The following ANKS1B variants were observed in gnomAD, a reference collection of about 807,000 sequenced individuals.
ANKS1B encodes the protein ankyrin repeat and sterile alpha motif domain containing 1B.
A neutral mutation model predicts 148.3 loss-of-function variants in ANKS1B; 36 were observed. That is an observed-to-expected ratio of 0.24 (90% CI 0.19 to 0.32). The LOEUF (loss-of-function observed/expected upper bound fraction) is 0.32. Ranked by LOEUF, ANKS1B falls within the 10% of genes least tolerant of loss-of-function variation. The probability of loss-of-function intolerance (pLI) is 1.00; values close to 1 mark genes in which losing one functional copy is unlikely to be tolerated. For synonymous variants in ANKS1B, 542 were observed against 560.8 expected (o/e 0.97, Z 0.47); for missense variants, 1,157 against 1,542.6 (o/e 0.75, Z 4.19).
At chr12:98,999,828 G>A (rs142018920) in intron 17 of ANKS1B, among the ~76,000 whole-genome samples, 98 of 152,248 alleles carry the variant, frequency 6.4e-4, no homozygotes, top group African/African-American at 1.9e-3. Flanking sequence ...TATAACCAGG[G>A]GAAACACGCA....
At chr12:99,393,264 A>T (rs1394416659) in intron 12 of ANKS1B, among the ~76,000 whole-genome samples, 1 of 152,222 alleles carries the variant, frequency 6.6e-6, no homozygotes, top group Non-Finnish European at 1.5e-5. Flanking sequence ...GAAATATCTT[A>T]GCAGATGGGT....
chr12:98,767,838 C>T (rs1047768163), intron 25 of ANKS1B, among the ~76,000 whole-genome samples: 1 of 152,214 alleles, frequency 6.6e-6, no homozygotes, highest in African/African-American at 2.4e-5. Context: ...TTGGTTGTCT[C>T]TCTCTCTCAC....
At chr12:99,775,801 C>T (rs1601887047) in intron 6 of ANKS1B, 140 bp from the exon 7 acceptor site, 1 of 463,000 alleles carries the variant, frequency 2.2e-6, no homozygotes, top group South Asian at 6.3e-5. Flanking sequence ...AAAAGAACTT[C>T]AAAAAACCAA....
chr12:98,901,925 A>C (rs2099772672), intron 17 of ANKS1B, among the ~76,000 whole-genome samples: 1 of 152,160 alleles, frequency 6.6e-6, no homozygotes, highest in South Asian at 2.1e-4. Context: ...GACTCCCAGC[A>C]CTTACCAATT....
At position 98,901,127 on chromosome 12, in the gene ANKS1B, G is replaced by C. The variant is rs556285442; in HGVS notation, c.2779-68991C>G. ...GAACCTCTATTTTTGCTCGGCTCTT[G>C]TCCTCAAATAGGCATTAGGTAAATA... On this transcript the variant is annotated intron_variant, in intron 17 of 26. Coordinates refer to ENST00000683438, the MANE Select transcript of ANKS1B (RefSeq NM_001352186.2). Among the ~76,000 whole-genome samples, 66 of 152,234 alleles carry C rather than the reference G, an allele frequency of 4.3e-4. 1 individual carries two copies. The highest frequency in any genetic ancestry group is 1.5e-3 in the African/African-American group (64 of 41,544).
chr12:99,888,959 C>T (rs1046934094), intron 1 of ANKS1B, among the ~76,000 whole-genome samples: 1 of 114,802 alleles, frequency 8.7e-6, no homozygotes, highest in African/African-American at 3.2e-5. Context: ...AAATGGCTCA[C>T]CTTCGCCAAA....
At chr12:98,740,366 C>T (rs890617853), downstream of ANKS1B, among the ~76,000 whole-genome samples, 2 of 152,206 alleles carry the variant, frequency 1.3e-5, no homozygotes, top group Admixed American at 1.3e-4. Context: ...TAGCACAGCC[C>T]ATGATGCTGC....
chr12:99,577,495 AAAAG>A (rs2097530183), intron 9 of ANKS1B, among the ~76,000 whole-genome samples: 1 of 151,732 alleles, frequency 6.6e-6, no homozygotes, highest in South Asian at 2.1e-4. Flanking sequence ...GATTAATTAA[AAAAG>A]AGAGAGAAGA....
At chr12:99,024,366 A>C (rs2099947527) in intron 17 of ANKS1B, among the ~76,000 whole-genome samples, 1 of 152,180 alleles carries the variant, frequency 6.6e-6, no homozygotes, top group Non-Finnish European at 1.5e-5. Context: ...TTAATATATA[A>C]TGTGCTGTCA....
rs764911317 is a variant in ANKS1B, at chr12:99,806,611, C to T, written c.462G>A (p.Pro154=). 2.4e-5 allele frequency: 39 copies of T among 1,613,794 alleles called. No individual in the cohort carries two copies. Among genetic ancestry groups the T allele is most frequent in the African/African-American group, 5.3e-5 (4 of 74,908 alleles). The change falls in exon 4 of 27, where the codon CCG becomes CCA. Residue 154 remains proline, a synonymous_variant. Coordinates refer to ENST00000683438, the MANE Select transcript of ANKS1B (RefSeq NM_001352186.2). ...VAVLLEELTD[P]TIRNSKLETP... is the part of the protein sequence containing the mutation. Reference sequence around the variant, plus strand: ...TTTCCAGCTTGCTATTTCTAATTGTCGGGTCAGTGAGCTCTTCTAGGAGAA... The same window carrying T: ...TTTCCAGCTTGCTATTTCTAATTGTTGGGTCAGTGAGCTCTTCTAGGAGAA...
intron 12 of ANKS1B, among the ~76,000 whole-genome samples, chr12:99,249,468 C>T (rs1055729917): frequency 1.3e-5 from 2 of 152,160 alleles, no homozygotes; most frequent in Non-Finnish European, 2.9e-5. Context: ...AAGATAATTT[C>T]ATTGTTAGCT....
At chr12:99,705,859 C>T (rs998938951) in intron 8 of ANKS1B, among the ~76,000 whole-genome samples, 1 of 151,946 alleles carries the variant, frequency 6.6e-6, no homozygotes, top group Non-Finnish European at 1.5e-5. Flanking sequence ...ACCTGATACA[C>T]ATAAACATGT....
chr12:99,599,620 C>T (rs1207743455), intron 9 of ANKS1B, among the ~76,000 whole-genome samples: 1 of 151,708 alleles, frequency 6.6e-6, no homozygotes, highest in East Asian at 1.9e-4. Flanking sequence ...ATAAATTTGG[C>T]CATTATGGAT....
intron 9 of ANKS1B, among the ~76,000 whole-genome samples, chr12:99,591,430 C>T (rs932043800): frequency 1.3e-5 from 2 of 151,924 alleles, no homozygotes; most frequent in Non-Finnish European, 2.9e-5. Flanking sequence ...TATTTTCATA[C>T]ACTCTATATT....
At chr12:99,576,906 C>G (rs1271997300) in intron 9 of ANKS1B, among the ~76,000 whole-genome samples, 13 of 151,856 alleles carry the variant, frequency 8.6e-5, no homozygotes, top group Non-Finnish European at 1.9e-4. Context: ...AACTCTCACT[C>G]CCCTCACTAT....
intron 17 of ANKS1B, among the ~76,000 whole-genome samples, chr12:98,925,192 C>T (rs2099806495): frequency 6.6e-6 from 1 of 152,138 alleles, no homozygotes; most frequent in African/African-American, 2.4e-5. Flanking sequence ...GTGTTCATTG[C>T]TTACCTTGAG....
At chr12:99,407,959 A>G (rs911731859) in intron 11 of ANKS1B, among the ~76,000 whole-genome samples, 6 of 146,356 alleles carry the variant, frequency 4.1e-5, no homozygotes, top group Non-Finnish European at 7.6e-5. Flanking sequence ...ATCATTAACA[A>G]AATACTAATG....
At chr12:98,863,002 G>A (rs1425755954) in intron 17 of ANKS1B, among the ~76,000 whole-genome samples, 3 of 152,164 alleles carry the variant, frequency 2.0e-5, no homozygotes, top group South Asian at 2.1e-4. Flanking sequence ...CATGTCTCCT[G>A]ACACATTTAC....
At chr12:99,384,873 T>G (rs909928184) in intron 12 of ANKS1B, among the ~76,000 whole-genome samples, 1 of 152,226 alleles carries the variant, frequency 6.6e-6, no homozygotes. Flanking sequence ...GTCTTCCCAC[T>G]ATTATATTAT....
Sources: gnomAD v4.1 joint callset for allele counts (sites outside exome capture counted in the v4.1 genomes callset) on GRCh38, gnomAD v4.1.1 for gene constraint, MANE v1.5 for transcripts, NCBI Gene and HGNC (gene_info 2026-07-23, HGNC 2026-07-21) for gene names.